DOCK3: variants seen among roughly 807,000 people sequenced by gnomAD.
DOCK3 encodes the protein dedicator of cytokinesis protein 3.
DOCK3 carries 60 observed loss-of-function variants against 265.6 expected under a neutral mutation model. The ratio of observed to expected loss-of-function variants is 0.23; its 90% CI spans 0.18 to 0.28. DOCK3 has a LOEUF of 0.28. Among genes scored for constraint, DOCK3 ranks in the 10% least tolerant of loss-of-function variants. DOCK3 has a pLI of 1.00. For synonymous variants in DOCK3, 881 were observed against 938.0 expected (o/e 0.94, Z 1.11); for missense variants, 1,981 against 2,594.3 (o/e 0.76, Z 5.14).
chr3:51,374,641 T>A lies in DOCK3; in HGVS notation c.5412+54T>A. On this transcript the variant is annotated intron_variant, in intron 50 of 52. Coordinates refer to ENST00000266037, the MANE Select transcript of DOCK3 (RefSeq NM_004947.5). The surrounding 1 kb of genome is among the most constrained non-coding windows in gnomAD (Gnocchi z 4.8). ...CTGCTGCAAGTGTGTTAGCCTGTGCTTCCCTCCTTGCATTTGCGGGGCCTT... is the reference window on the plus strand; with the variant it reads ...CTGCTGCAAGTGTGTTAGCCTGTGCATCCCTCCTTGCATTTGCGGGGCCTT... 1.3e-6 allele frequency: 2 copies of A among 1,516,582 alleles called. No homozygotes were observed. The highest frequency in any genetic ancestry group is 1.2e-5 in the South Asian group (1 of 84,194). The allele number at this position is 1,516,582 out of a possible 1,614,324, so 93.9% of individuals were successfully genotyped here. A position where few individuals can be genotyped will look rare whatever the true frequency, so the allele number is the denominator to read the frequency against.
At chr3:51,216,938 G>A (rs1489517057) in intron 14 of DOCK3, among the ~76,000 whole-genome samples, 1 of 152,094 alleles carries the variant, frequency 6.6e-6, no homozygotes, top group African/African-American at 2.4e-5. Flanking sequence ...TCACAGTGCT[G>A]GTGTGACCAA....
intron 27 of DOCK3, among the ~76,000 whole-genome samples, chr3:51,286,324 C>G (rs2081401168): frequency 1.3e-5 from 2 of 152,108 alleles, no homozygotes; most frequent in Admixed American, 6.6e-5. Flanking sequence ...ATTACACAAA[C>G]AAATGGAAAA....
intron 6 of DOCK3, among the ~76,000 whole-genome samples, chr3:51,071,979 G>T (rs1325722709): frequency 2.6e-5 from 4 of 151,972 alleles, no homozygotes; most frequent in Non-Finnish European, 5.9e-5. Flanking sequence ...ACTCTTTTTG[G>T]TTTTTACCAG....
intron 2 of DOCK3, among the ~76,000 whole-genome samples, chr3:50,804,264 C>A (rs2043264352): frequency 6.6e-6 from 1 of 151,282 alleles, no homozygotes; most frequent in Admixed American, 6.6e-5. Context: ...ACTGGGCGGC[C>A]AGGCAGAGGG....
chr3:51,286,933 G>C (rs1010050512), intron 27 of DOCK3, among the ~76,000 whole-genome samples: 11 of 152,114 alleles, frequency 7.2e-5, no homozygotes, highest in African/African-American at 2.7e-4. Context: ...TCATGACAAA[G>C]ACACCAAAAG....
chr3:51,168,446 C>T (rs1418073809), intron 12 of DOCK3, among the ~76,000 whole-genome samples: 1 of 152,146 alleles, frequency 6.6e-6, no homozygotes, highest in Non-Finnish European at 1.5e-5. Flanking sequence ...AGCATGCCTA[C>T]AACAATCTGA....
At chr3:50,993,780 A>G (rs1559910973) in intron 5 of DOCK3, among the ~76,000 whole-genome samples, 2 of 152,218 alleles carry the variant, frequency 1.3e-5, no homozygotes. Flanking sequence ...AGCCAAAATG[A>G]CCTTTTTAAA....
intron 19 of DOCK3, among the ~76,000 whole-genome samples, chr3:51,234,166 C>T (rs1294491337): frequency 6.6e-6 from 1 of 152,134 alleles, no homozygotes; most frequent in Non-Finnish European, 1.5e-5. Flanking sequence ...TATGTTTTAT[C>T]TTTTGGTAAT....
intron 4 of DOCK3, among the ~76,000 whole-genome samples, chr3:50,917,919 C>A (rs1454376192): frequency 1.3e-5 from 2 of 152,036 alleles, no homozygotes; most frequent in Non-Finnish European, 2.9e-5. Context: ...CTCCCCCAAC[C>A]CCATGACAGG....
chr3:51,338,319 C>G (rs2085000133), intron 35 of DOCK3, 40 bp from the exon 36 acceptor site: 1 of 1,550,390 alleles, frequency 6.4e-7, no homozygotes. Flanking sequence ...TCTCAAGGCC[C>G]CACTTCATAT....
intron 2 of DOCK3, among the ~76,000 whole-genome samples, chr3:50,809,387 A>G (rs187049578): frequency 1.6e-4 from 25 of 152,342 alleles, no homozygotes; most frequent in African/African-American, 6.0e-4. Flanking sequence ...CCAGATGGCC[A>G]CTAGAATGTC....
rs990050472 is a variant in DOCK3 at position 50,675,894 on chromosome 3, T to A, written c.37+594T>A. ...ATCAATGTTTATACGGTTTTTTTTTTAAACCCTGTTTTCAGATGAGACCTT... is the reference window on the plus strand; with the variant it reads ...ATCAATGTTTATACGGTTTTTTTTTAAAACCCTGTTTTCAGATGAGACCTT... On this transcript the variant is annotated intron_variant, in intron 1 of 52. Transcript: ENST00000266037. This position sits in a 1 kb window ranked among gnomAD's most constrained non-coding sequence, Gnocchi z 6.1. 6.6e-6 allele frequency among the ~76,000 whole-genome samples: 1 copy of A among 151,646 alleles called. No individual in the cohort carries two copies. The highest frequency in any genetic ancestry group is 1.5e-5 in the Non-Finnish European group (1 of 67,792).
chr3:50,886,398 T>C (rs981022795), intron 3 of DOCK3, among the ~76,000 whole-genome samples: 5 of 151,802 alleles, frequency 3.3e-5, no homozygotes, highest in Admixed American at 2.0e-4. Context: ...TTTTAAATCC[T>C]TTTTTTAAAA....
chr3:50,873,125 A>G lies in DOCK3; in HGVS notation c.163-16901A>G, dbSNP rs553198252. Among the ~76,000 whole-genome samples, 7 of 152,258 alleles carry G rather than the reference A, an allele frequency of 4.6e-5. No homozygotes were observed. In the East Asian group the frequency reaches 1.4e-3, roughly 29 times the overall value. On this transcript the variant is annotated intron_variant, in intron 3 of 52. Coordinates refer to ENST00000266037, the MANE Select transcript of DOCK3 (RefSeq NM_004947.5). Reference sequence around the variant, plus strand: ...AGAAGGCTTGCCCGGTAGCCAACACAGCTGGAAATGTGCTGAGTTTCCCCC... The same window carrying G: ...AGAAGGCTTGCCCGGTAGCCAACACGGCTGGAAATGTGCTGAGTTTCCCCC...
intron 5 of DOCK3, among the ~76,000 whole-genome samples, chr3:51,046,475 A>G (rs1399433706): frequency 2.0e-5 from 3 of 152,216 alleles, no homozygotes; most frequent in Non-Finnish European, 2.9e-5. Context: ...ATATTAAGGC[A>G]AAAACTGTTG....
At chr3:51,168,836 T>G (rs942813630) in intron 12 of DOCK3, among the ~76,000 whole-genome samples, 1 of 151,664 alleles carries the variant, frequency 6.6e-6, no homozygotes, top group Non-Finnish European at 1.5e-5. Flanking sequence ...ATTTGCAAAC[T>G]ATGCATCTGA....
intron 4 of DOCK3, among the ~76,000 whole-genome samples, chr3:50,915,672 G>T (rs543034882): frequency 3.3e-5 from 5 of 152,038 alleles, no homozygotes; most frequent in Non-Finnish European, 2.9e-5. Context: ...ACTGTTCTGG[G>T]TGACCCAGGT....
At chr3:51,199,048 A>C (rs952267405) in intron 12 of DOCK3, among the ~76,000 whole-genome samples, 4 of 151,958 alleles carry the variant, frequency 2.6e-5, no homozygotes, top group African/African-American at 9.7e-5. Context: ...AAAAAAAAAG[A>C]GGGGAGGAGC....
intron 4 of DOCK3, among the ~76,000 whole-genome samples, chr3:50,920,284 C>T (rs1357362851): frequency 1.3e-5 from 2 of 152,112 alleles, no homozygotes; most frequent in African/African-American, 2.4e-5. Flanking sequence ...GAGAGGATTC[C>T]ATCTTTTTCT....
Sources: allele counts gnomAD v4.1 joint callset (sites outside exome capture counted in the v4.1 genomes callset), GRCh38; gene constraint gnomAD v4.1.1; non-coding constraint Gnocchi (gnomAD v3.1); transcripts MANE v1.5; gene names NCBI Gene and HGNC (gene_info 2026-07-23, HGNC 2026-07-21).